TDP1: variants seen among roughly 807,000 people sequenced by gnomAD.
TDP1 encodes the protein tyr-DNA phosphodiesterase 1.
TDP1 carries 64 observed loss-of-function variants against 81.5 expected under a neutral mutation model. That is an observed-to-expected ratio of 0.79 (90% CI 0.64 to 0.97). The LOEUF is 0.97. Among genes scored for constraint, TDP1 ranks in the 50% least tolerant of loss-of-function variants. The pLI is 0.00. For synonymous variants in TDP1, 256 were observed against 264.3 expected, an observed-to-expected ratio of 0.97 and a Z score of 0.30; for missense variants, 723 against 743.8, an observed-to-expected ratio of 0.97 and a Z score of 0.33.
At chr14:89,973,824 G>A (rs769074957) in intron 6 of TDP1, among the ~76,000 whole-genome samples, 5 of 152,130 alleles carry the variant, frequency 3.3e-5, no homozygotes, top group Non-Finnish European at 7.3e-5. Flanking sequence ...TGGAAGCTGG[G>A]AATTCAGGAT....
intron 14 of TDP1, among the ~76,000 whole-genome samples, chr14:90,007,010 A>T (rs36101385): frequency 2.1e-3 from 327 of 152,192 alleles, no homozygotes; most frequent in Non-Finnish European, 3.7e-3. Context: ...TTATTCACCA[A>T]TATTTTCATT....
At chr14:89,978,946 GTCTCT>G (rs1351131512) in intron 7 of TDP1, among the ~76,000 whole-genome samples, 3 of 150,794 alleles carry the variant, frequency 2.0e-5, no homozygotes, top group African/African-American at 7.5e-5. Context: ...TCATTCTCTT[GTCTCT>G]TCTCGTACCC....
At chr14:90,035,410 T>C (rs1394313574) in intron 16 of TDP1, among the ~76,000 whole-genome samples, 4 of 151,990 alleles carry the variant, frequency 2.6e-5, no homozygotes, top group African/African-American at 4.8e-5. Context: ...AGCAAGGCTA[T>C]CTAGATTTTT....
chr14:90,019,132 C>T (rs1885664389), intron 14 of TDP1, 184 bp from the exon 15 acceptor site: 1 of 967,520 alleles, frequency 1.0e-6, no homozygotes, highest in African/African-American at 1.8e-5. Flanking sequence ...TTAGATAAAT[C>T]TCGAGGATTA....
chr14:90,018,291 C>A (rs987209031), intron 14 of TDP1, among the ~76,000 whole-genome samples: 4 of 152,130 alleles, frequency 2.6e-5, no homozygotes, highest in African/African-American at 7.2e-5. Context: ...GTGAGCCTAA[C>A]TGAAAAAATG....
intron 10 of TDP1, 37 bp downstream of exon 10, chr14:89,985,247 A>G (rs553756981): frequency 1.7e-6 from 2 of 1,204,520 alleles, no homozygotes; most frequent in South Asian, 2.7e-5. Flanking sequence ...TTTTTAAAAA[A>G]TTTAATGTAT....
chr14:89,971,974 G>T lies in TDP1; in HGVS notation c.756+703G>T, dbSNP rs34882535. Reference sequence around the variant, plus strand: ...GGAGAGACCCATAGATTAAAAAACTGTTAGGAAACTATGTGAGTCGTATGC... The same window carrying T: ...GGAGAGACCCATAGATTAAAAAACTTTTAGGAAACTATGTGAGTCGTATGC... On this transcript the variant is annotated intron_variant, in intron 6 of 16. Coordinates refer to ENST00000335725, the MANE Select transcript of TDP1 (RefSeq NM_018319.4). Among the ~76,000 whole-genome samples the T allele has an allele frequency of 3.4e-3, 522 of 152,238 alleles. 6 individuals are homozygous for T. Among genetic ancestry groups the T allele is most frequent in the African/African-American group, 0.012 (510 of 41,528 alleles).
chr14:90,019,713 T>G (rs1885741239), intron 15 of TDP1, among the ~76,000 whole-genome samples: 1 of 152,162 alleles, frequency 6.6e-6, no homozygotes, highest in East Asian at 1.9e-4. Context: ...ATGTGAAGAT[T>G]TATCTCGAGG....
intron 6 of TDP1, among the ~76,000 whole-genome samples, chr14:89,975,047 A>G (rs1249967004): frequency 6.6e-6 from 1 of 152,154 alleles, no homozygotes; most frequent in Non-Finnish European, 1.5e-5. Context: ...TTAACATCCT[A>G]AGTCTTTATG....
At chr14:90,003,455 G>A (rs891530005) in intron 14 of TDP1, among the ~76,000 whole-genome samples, 1 of 152,126 alleles carries the variant, frequency 6.6e-6, no homozygotes, top group Non-Finnish European at 1.5e-5. Flanking sequence ...TGATCCTACC[G>A]TAAAATCATC....
Position 90,024,453 on chromosome 14 carries a change from A to G in TDP1, c.1644+5035A>G, listed in dbSNP as rs34626395. Among the ~76,000 whole-genome samples, 12 of 152,292 alleles carry G rather than the reference A, an allele frequency of 7.9e-5. No homozygotes were observed. The South Asian group carries it at 2.3e-3, about 29-fold the overall frequency. On this transcript the variant is annotated intron_variant, in intron 15 of 16. Transcript: ENST00000335725. The stretch of plus-strand genomic sequence containing the variant: ...TGTCTCCTGGACCAGAGTGAGCTGA[A>G]TGGGTCATGTGGGAGGCTTTTCCTA...
chr14:89,975,419 A>G (rs534845151), intron 6 of TDP1: 1 of 985,298 alleles, frequency 1.0e-6, no homozygotes, highest in African/African-American at 1.7e-5. Flanking sequence ...GTGTACCATT[A>G]ATTTCTGTAT....
intron 13 of TDP1, chr14:89,993,102 A>AT: frequency 1.0e-6 from 1 of 962,102 alleles, no homozygotes. Context: ...CACAACAGAA[A>AT]TAATATGTAT....
At chr14:90,014,072 A>G (rs1342859172) in intron 14 of TDP1, among the ~76,000 whole-genome samples, 2 of 152,122 alleles carry the variant, frequency 1.3e-5, no homozygotes, top group Non-Finnish European at 2.9e-5. Context: ...GTCAAATATA[A>G]ATTAGATATA....
chr14:90,007,588 C>T (rs1388876068), intron 14 of TDP1, among the ~76,000 whole-genome samples: 1 of 151,940 alleles, frequency 6.6e-6, no homozygotes, highest in Non-Finnish European at 1.5e-5. Flanking sequence ...GACCCTGTCT[C>T]GGGGCGGGAA....
At chr14:90,020,992 C>T (rs1455386888) in intron 15 of TDP1, among the ~76,000 whole-genome samples, 3 of 151,788 alleles carry the variant, frequency 2.0e-5, no homozygotes, top group Non-Finnish European at 4.4e-5. Flanking sequence ...GACGGGGTTT[C>T]ACCATGTTGG....
At chr14:90,034,425 G>A (rs1006033397) in intron 16 of TDP1, among the ~76,000 whole-genome samples, 12 of 152,202 alleles carry the variant, frequency 7.9e-5, no homozygotes, top group African/African-American at 2.9e-4. Context: ...ATCTTTCACA[G>A]TAGAAACACA....
intron 16 of TDP1, among the ~76,000 whole-genome samples, chr14:90,033,955 T>A (rs1422744167): frequency 6.6e-6 from 1 of 152,008 alleles, no homozygotes; most frequent in Admixed American, 6.6e-5. Flanking sequence ...TAGTTCCAAC[T>A]ATTTGGATGG....
intron 14 of TDP1, among the ~76,000 whole-genome samples, chr14:90,008,216 A>G (rs1202938711): frequency 1.3e-5 from 2 of 152,158 alleles, no homozygotes; most frequent in African/African-American, 4.8e-5. Context: ...TGCAACTCTT[A>G]TGAGATGCTT....
Sources: gnomAD v4.1 joint callset for allele counts (sites outside exome capture counted in the v4.1 genomes callset) on GRCh38, gnomAD v4.1.1 for gene constraint, MANE v1.5 for transcripts, NCBI Gene and HGNC (gene_info 2026-07-23, HGNC 2026-07-21) for gene names.